Variants in MGAT4A observed in about 807,000 individuals in gnomAD.
The protein encoded by MGAT4A is N-acetylglucosaminyltransferase IVa.
A neutral mutation model predicts 74.1 loss-of-function variants in MGAT4A; 33 were observed. That is an observed-to-expected ratio of 0.45 (90% CI 0.34 to 0.60). The LOEUF (loss-of-function observed/expected upper bound fraction) is 0.60. Among genes scored for constraint, MGAT4A ranks in the 20% least tolerant of loss-of-function variants. MGAT4A has a pLI of 0.02. For synonymous variants in MGAT4A, 198 were observed against 210.4 expected (o/e 0.94, Z 0.51); for missense variants, 479 against 628.3 (o/e 0.76, Z 2.54).
intron 8 of MGAT4A, among the ~76,000 whole-genome samples, chr2:98,653,301 GA>G (rs1395605314): frequency 9.6e-6 from 1 of 104,184 alleles, no homozygotes; most frequent in African/African-American, 3.6e-5. Context: ...GCAGAAGGGA[GA>G]AAAAAAAATA....
chr2:98,681,645 G>T (rs1702061483), intron 2 of MGAT4A, among the ~76,000 whole-genome samples: 1 of 151,988 alleles, frequency 6.6e-6, no homozygotes, highest in Non-Finnish European at 1.5e-5. Context: ...AACACCATTT[G>T]CCACTAAAAT....
chr2:98,668,705 A>G (rs998012998), intron 4 of MGAT4A, among the ~76,000 whole-genome samples: 2 of 152,082 alleles, frequency 1.3e-5, no homozygotes, highest in Non-Finnish European at 2.9e-5. Flanking sequence ...AGCCGCAGAC[A>G]CTCAACACCA....
intron 10 of MGAT4A, among the ~76,000 whole-genome samples, chr2:98,642,839 G>GT (rs1701429702): frequency 6.6e-6 from 1 of 152,066 alleles, no homozygotes; most frequent in Non-Finnish European, 1.5e-5. Context: ...ATGTGTTGGG[G>GT]TTTTTTAAAA....
In MGAT4A at chr2:98,620,298, AT is replaced by A. The variant is rs1245472132; in HGVS notation, c.*5267del. The A allele has an allele frequency of 1.3e-5, 2 of 152,234 alleles. No individual in the cohort carries two copies. The highest frequency in any genetic ancestry group is 4.8e-5 in the African/African-American group (2 of 41,470). 9.4% of individuals were successfully genotyped at this position (152,234 alleles called of 1,614,324 possible). On this transcript the variant is annotated 3_prime_UTR_variant, in exon 16 of 16. Transcript: ENST00000393487. ...TGCACAACTACCAAAGTCAAACAAA[AT>A]TTTACACACTATAAATACTGCAACA...
At chr2:98,641,249 G>A (rs1329158149) in intron 10 of MGAT4A, among the ~76,000 whole-genome samples, 2 of 152,026 alleles carry the variant, frequency 1.3e-5, no homozygotes, top group Non-Finnish European at 2.9e-5. Context: ...GACTGGGCAC[G>A]GTGGCTCACG....
At chr2:98,628,661 A>G (rs1242560850) in intron 14 of MGAT4A, among the ~76,000 whole-genome samples, 19 of 152,364 alleles carry the variant, frequency 1.2e-4, no homozygotes, top group African/African-American at 2.4e-5. Context: ...TAACTGCACA[A>G]TAACTACAAT....
chr2:98,637,875 A>T (rs1241476979), intron 12 of MGAT4A, among the ~76,000 whole-genome samples: 3 of 152,314 alleles, frequency 2.0e-5, no homozygotes, highest in East Asian at 3.9e-4. Context: ...AGCCAGTCAC[A>T]GTATGGTTAC....
At chr2:98,709,867 C>T (rs1702492676) in intron 2 of MGAT4A, among the ~76,000 whole-genome samples, 1 of 152,308 alleles carries the variant, frequency 6.6e-6, no homozygotes, top group East Asian at 1.9e-4. Flanking sequence ...CAACACTTTT[C>T]ACATTCTCCT....
Position 98,621,247 on chromosome 2 carries a change from G to T in MGAT4A, c.*4319C>A. The T allele has an allele frequency of 1.2e-6, 1 of 866,732 alleles. No individual in the cohort carries two copies. Among genetic ancestry groups the T allele is most frequent in the Non-Finnish European group, 1.6e-6 (1 of 609,108 alleles). 53.7% of individuals were successfully genotyped at this position (866,732 alleles called of 1,614,324 possible). A position where few individuals can be genotyped will look rare whatever the true frequency, so the allele number is the denominator to read the frequency against. On this transcript the variant is annotated 3_prime_UTR_variant, in exon 16 of 16. Coordinates refer to ENST00000393487, the MANE Select transcript of MGAT4A (RefSeq NM_012214.3). ...CTCACAAGGCTGGATTCAAAGTGTT[G>T]GCCAGGCTGGGTCTTATCTGGAGAC...
In MGAT4A at chr2:98,667,096, TGC is replaced by T. The variant is rs565809911; in HGVS notation, c.404-3919_404-3918del. 6.1e-4 allele frequency among the ~76,000 whole-genome samples: 77 copies of T among 125,902 alleles called. No individual in the cohort carries two copies. The East Asian group carries it at 9.2e-3, about 15-fold the overall frequency. 82.6% of individuals were successfully genotyped at this position (125,902 alleles called of 152,430 possible). On this transcript the variant is annotated intron_variant, in intron 4 of 15. Transcript: ENST00000393487. ...AAAGAGGAGTTCCCCTGCACAAGCT[TGC>T]TCTCTGCCTGCTGCCATCCACATAA... is the stretch of plus-strand genomic sequence containing the variant.
At position 98,663,075 on chromosome 2, in the gene MGAT4A, C is replaced by T; in HGVS notation, c.508G>A (p.Asp170Asn). 1 of 1,588,202 alleles carries T rather than the reference C, an allele frequency of 6.3e-7. No homozygotes were observed. The highest frequency in any genetic ancestry group is 8.6e-7 in the Non-Finnish European group (1 of 1,165,110). ...IDNLYPEEKL[D>N]CVIVVFIGET... ...CCTATGAAGACTACTATAACACAGT[C>T]CAACTTCTCTTCAGGATACAGGTTA... The change falls in exon 5 of 16, where the codon GAC (aspartate) becomes AAC (asparagine). Residue 170 changes from aspartate to asparagine, a missense_variant. Asp to Asn is a conservative substitution (Grantham distance 23). This residue lies in a region of MGAT4A where 205 missense variants were observed against 232.7 expected (regional missense o/e 0.88). Coordinates refer to ENST00000393487, the MANE Select transcript of MGAT4A (RefSeq NM_012214.3).
chr2:98,645,458 T>C lies in MGAT4A; in HGVS notation c.859A>G (p.Ile287Val). 1 of 1,588,056 alleles carries C rather than the reference T, an allele frequency of 6.3e-7. No homozygotes were observed. Among genetic ancestry groups the C allele is most frequent in the Non-Finnish European group, 8.5e-7 (1 of 1,173,918 alleles). ...AAGCCCAGCTGGGAAAACTCTAGAATCATCCATTCCTCAGAAGAAAGTTGA... is the reference window on the plus strand; with the variant it reads ...AAGCCCAGCTGGGAAAACTCTAGAACCATCCATTCCTCAGAAGAAAGTTGA... ...ALQLSSEEWM[I>V]LEFSQLGFIG... is the part of the protein sequence containing the mutation. The change falls in exon 9 of 16, where the codon ATT (isoleucine) becomes GTT (valine). Residue 287 changes from isoleucine to valine, a missense_variant. Ile to Val is a conservative substitution (Grantham distance 29, BLOSUM62 3). This residue lies in a region of MGAT4A where 236 missense variants were observed against 308.2 expected (regional missense o/e 0.77). Coordinates refer to ENST00000393487, the MANE Select transcript of MGAT4A (RefSeq NM_012214.3).
At position 98,664,296 on chromosome 2, in the gene MGAT4A, T is replaced by C. The variant is rs147953249; in HGVS notation, c.404-1117A>G. ...ACTAAAATTACAGTCAATGTTCCTATAATGCTTGTTTTCAATGCAAATTTG... is the reference window on the plus strand; with the variant it reads ...ACTAAAATTACAGTCAATGTTCCTACAATGCTTGTTTTCAATGCAAATTTG... On this transcript the variant is annotated intron_variant, in intron 4 of 15. Coordinates refer to ENST00000393487, the MANE Select transcript of MGAT4A (RefSeq NM_012214.3). Among the ~76,000 whole-genome samples, 292 of 150,546 alleles carry C rather than the reference T, an allele frequency of 1.9e-3. 2 individuals are homozygous for C. The highest frequency in any genetic ancestry group is 2.5e-3 in the Non-Finnish European group (166 of 67,644).
chr2:98,699,263 A>T (rs1375343105), intron 2 of MGAT4A, among the ~76,000 whole-genome samples: 1 of 152,240 alleles, frequency 6.6e-6, no homozygotes, highest in Non-Finnish European at 1.5e-5. Flanking sequence ...TGCCTAGTAC[A>T]TACCAAAATT....
rs546136228 is a variant in MGAT4A, at chr2:98,714,819, C to T, written c.94+11420G>A. Among the ~76,000 whole-genome samples the T allele has an allele frequency of 7.9e-5, 12 of 152,120 alleles. No individual in the cohort carries two copies. In the East Asian group the frequency reaches 1.3e-3, roughly 17 times the overall value. The stretch of plus-strand genomic sequence containing the variant: ...TTGTTTATTTTAAAAGGGTTAATTT[C>T]GTTATGTTAATTTCACCTCAATAAA... On this transcript the variant is annotated intron_variant, in intron 2 of 15. Transcript: ENST00000393487.
At chr2:98,632,698 C>CT (rs978764441) in intron 14 of MGAT4A, among the ~76,000 whole-genome samples, 1 of 152,210 alleles carries the variant, frequency 6.6e-6, no homozygotes, top group Non-Finnish European at 1.5e-5. Context: ...ACAGCAGCCC[C>CT]TTCTCTTGGA....
rs1459740054 is a variant in MGAT4A, at chr2:98,731,081, C to G, written c.-269G>C. 1 of 139,854 alleles carries G rather than the reference C, an allele frequency of 7.2e-6. No homozygotes were observed. The highest frequency in any genetic ancestry group is 2.6e-5 in the African/African-American group (1 of 38,354). The allele number at this position is 139,854 out of a possible 1,614,324, so 8.7% of individuals were successfully genotyped here. A position where few individuals can be genotyped will look rare whatever the true frequency, so the allele number is the denominator to read the frequency against. ...GGCGTCGCCGTGCTCCCGCGGCTGC[C>G]GGCGGAGCTGCTGTAGCCGCCGCCG... On this transcript the variant is annotated 5_prime_UTR_variant, in exon 1 of 16. Coordinates refer to ENST00000393487, the MANE Select transcript of MGAT4A (RefSeq NM_012214.3). This position sits in a 1 kb window ranked among gnomAD's most constrained non-coding sequence, Gnocchi z 4.8.
Position 98,622,953 on chromosome 2 carries a change from G to A in MGAT4A, c.*2613C>T, listed in dbSNP as rs1701082507. On this transcript the variant is annotated 3_prime_UTR_variant, in exon 16 of 16. Transcript: ENST00000393487. ...AGGATTGCTTGAGGCCAGAGATCGA[G>A]GCTGCAGTGAGCTATGAGAGCACCA... is the stretch of plus-strand genomic sequence containing the variant. The A allele has an allele frequency of 1.0e-6, 1 of 982,308 alleles. No homozygotes were observed. Among genetic ancestry groups the A allele is most frequent in the Non-Finnish European group, 1.2e-6 (1 of 827,044 alleles). The allele number at this position is 982,308 out of a possible 1,614,324, so 60.8% of individuals were successfully genotyped here.
chr2:98,639,892 A>G lies in MGAT4A; in HGVS notation c.1238T>C (p.Met413Thr). Residue 413 changes from methionine (M) to threonine (T), a missense_variant, in exon 12 of 16, where the codon ATG becomes ACG. This residue lies in a region of MGAT4A where 236 missense variants were observed against 308.2 expected (regional missense o/e 0.77). Coordinates refer to ENST00000393487, the MANE Select transcript of MGAT4A (RefSeq NM_012214.3). Reference sequence around the variant, plus strand: ...GATAGCCCAGAAGAAATCCTCTCCCATGTAAGTTTTCTCCAGCGTATGCCC... The same window carrying G: ...GATAGCCCAGAAGAAATCCTCTCCCGTGTAAGTTTTCTCCAGCGTATGCCC... The part of the protein sequence containing the change: ...YQGHTLEKTY[M>T]GEDFFWAITP... The G allele has an allele frequency of 1.2e-6, 2 of 1,614,142 alleles. No individual in the cohort carries two copies. The highest frequency in any genetic ancestry group is 1.1e-5 in the South Asian group (1 of 91,084).
Sources: allele counts gnomAD v4.1 joint callset (sites outside exome capture counted in the v4.1 genomes callset), GRCh38; gene constraint gnomAD v4.1.1; regional missense constraint gnomAD v4.1.1; non-coding constraint Gnocchi (gnomAD v3.1); transcripts MANE v1.5; gene names NCBI Gene and HGNC (gene_info 2026-07-23, HGNC 2026-07-21).